CEP128: variants seen among roughly 807,000 people sequenced by gnomAD.
CEP128 encodes centrosomal protein 128kDa.
A neutral mutation model predicts 156.7 loss-of-function variants in CEP128; 132 were observed. The observed-to-expected ratio is 0.84, with a 90% CI of 0.73 to 0.97. The LOEUF (loss-of-function observed/expected upper bound fraction) is 0.97. Ranked by LOEUF, CEP128 falls within the 50% of genes least tolerant of loss-of-function variation. CEP128 has a pLI of 0.00. For missense variants in CEP128, 1,252 were observed against 1,281.9 expected (o/e 0.98, Z 0.36); for synonymous variants, 469 against 448.9 (o/e 1.04, Z -0.57).
chr14:80,934,535 G>A (rs1885673028), intron 2 of CEP128, among the ~76,000 whole-genome samples: 1 of 152,108 alleles, frequency 6.6e-6, no homozygotes, highest in Non-Finnish European at 1.5e-5. Context: ...CTTAACCTCA[G>A]GCCAATCTTA....
chr14:80,772,637 G>A lies in CEP128; in HGVS notation c.2376+5245C>T, dbSNP rs565173254. 7.9e-5 allele frequency among the ~76,000 whole-genome samples: 12 copies of A among 152,250 alleles called. No individual in the cohort carries two copies. The South Asian group carries it at 2.1e-3, about 26-fold the overall frequency. ...TGACACATGCCTACTAGGGCCTCAG[G>A]AGTCACAGACACCCACGCCTGGATG... On this transcript the variant is annotated intron_variant, in intron 16 of 24. Coordinates refer to ENST00000555265, the MANE Select transcript of CEP128 (RefSeq NM_152446.5).
At chr14:80,740,726 A>G (rs1898789693) in intron 19 of CEP128, among the ~76,000 whole-genome samples, 1 of 152,150 alleles carries the variant, frequency 6.6e-6, no homozygotes, top group Non-Finnish European at 1.5e-5. Context: ...TTTCCCTTTT[A>G]TAACTATTCA....
chr14:80,801,487 A>C (rs1390109717), intron 13 of CEP128, among the ~76,000 whole-genome samples: 1 of 151,922 alleles, frequency 6.6e-6, no homozygotes, highest in Non-Finnish European at 1.5e-5. Context: ...TGCTGCATTT[A>C]TTGAGAAGGA....
At chr14:80,499,605 A>G (rs1048192339) in intron 24 of CEP128, among the ~76,000 whole-genome samples, 12 of 152,188 alleles carry the variant, frequency 7.9e-5, no homozygotes, top group African/African-American at 2.9e-4. Context: ...GAAATTTACA[A>G]TCTGCATTTA....
At chr14:80,506,412 T>TA (rs1345464458) in intron 23 of CEP128, among the ~76,000 whole-genome samples, 2 of 146,610 alleles carry the variant, frequency 1.4e-5, no homozygotes, top group African/African-American at 5.3e-5. Context: ...TTTGATTTAT[T>TA]TTTTTTTTTT....
chr14:80,613,089 C>G (rs1893063905), intron 19 of CEP128, among the ~76,000 whole-genome samples: 1 of 148,448 alleles, frequency 6.7e-6, no homozygotes, highest in South Asian at 2.2e-4. Context: ...CTCCTGAGCT[C>G]AGGCAATCCG....
chr14:80,498,427 G>C (rs1887591032), intron 24 of CEP128, among the ~76,000 whole-genome samples: 1 of 152,042 alleles, frequency 6.6e-6, no homozygotes, highest in Admixed American at 6.6e-5. Flanking sequence ...GCCCTTAATG[G>C]TCGCCCAGTG....
rs1042834754 is a variant in CEP128, at chr14:80,779,982, C to CA, written c.2212-1937dup. 1.2e-4 allele frequency among the ~76,000 whole-genome samples: 18 copies of CA among 151,452 alleles called. 1 individual carries two copies. The highest frequency in any genetic ancestry group is 8.5e-4 in the Admixed American group (13 of 15,226). On this transcript the variant is annotated intron_variant, in intron 15 of 24. Coordinates refer to ENST00000555265, the MANE Select transcript of CEP128 (RefSeq NM_152446.5). ...ACTCCAATCCTGCATCTTCTGAATC[C>CA]AAAAAAAGGCTCTACAAAATGATTT... is the stretch of plus-strand genomic sequence containing the variant.
rs148593644 is a variant in CEP128 at position 80,818,777 on chromosome 14, TATG to T, written c.1209+12363_1209+12365del. Among the ~76,000 whole-genome samples, 827 of 152,366 alleles carry T rather than the reference TATG, an allele frequency of 5.4e-3. 5 individuals are homozygous for T. The highest frequency in any genetic ancestry group is 0.019 in the African/African-American group (774 of 41,602). ...AAACAAATATACCTGAAGAATGTTA[TATG>T]ATAATAAACATGTGAAACTACAAAA... On this transcript the variant is annotated intron_variant, in intron 13 of 24. Transcript: ENST00000555265.
At chr14:80,934,290 C>G (rs1267166653) in intron 2 of CEP128, among the ~76,000 whole-genome samples, 1 of 152,192 alleles carries the variant, frequency 6.6e-6, no homozygotes, top group Non-Finnish European at 1.5e-5. Flanking sequence ...GATTTCTTGT[C>G]TAAGAACTCA....
downstream of CEP128, among the ~76,000 whole-genome samples, chr14:80,486,512 C>T (rs1248040908): frequency 6.6e-6 from 1 of 151,684 alleles, no homozygotes; most frequent in Non-Finnish European, 1.5e-5. Context: ...TCAGGAAATA[C>T]AGAGAACGCC....
At chr14:80,515,998 T>C (rs973189185) in intron 23 of CEP128, among the ~76,000 whole-genome samples, 8 of 152,194 alleles carry the variant, frequency 5.3e-5, no homozygotes, top group Admixed American at 2.6e-4. Context: ...CCTGAGTAGC[T>C]GGGATTACAG....
chr14:80,714,325 T>C (rs553795999), intron 19 of CEP128, among the ~76,000 whole-genome samples: 10 of 151,680 alleles, frequency 6.6e-5, no homozygotes, highest in East Asian at 3.9e-4. Flanking sequence ...CACACACACA[T>C]ACACACACAC....
intron 9 of CEP128, among the ~76,000 whole-genome samples, chr14:80,849,990 A>G (rs1258852364): frequency 2.0e-5 from 3 of 152,096 alleles, no homozygotes; most frequent in Non-Finnish European, 4.4e-5. Flanking sequence ...GATTCCCGCG[A>G]AAAAAATGCT....
At chr14:80,846,615 G>A (rs1365103895) in intron 9 of CEP128, among the ~76,000 whole-genome samples, 1 of 152,220 alleles carries the variant, frequency 6.6e-6, no homozygotes, top group East Asian at 1.9e-4. Context: ...TAGAATTTTG[G>A]AGAAAGACAG....
intron 20 of CEP128, among the ~76,000 whole-genome samples, chr14:80,564,428 T>A (rs1020469374): frequency 6.6e-6 from 1 of 152,216 alleles, no homozygotes; most frequent in African/African-American, 2.4e-5. Context: ...ATTCCCTCAA[T>A]ATACAAATTA....
intron 19 of CEP128, among the ~76,000 whole-genome samples, chr14:80,683,705 A>G (rs753772760): frequency 2.5e-4 from 38 of 152,160 alleles, no homozygotes; most frequent in Non-Finnish European, 8.8e-5. Context: ...AACACTGACC[A>G]TAAGCTCAGC....
At chr14:80,668,046 AACTT>A (rs1419033218) in intron 19 of CEP128, among the ~76,000 whole-genome samples, 1 of 152,186 alleles carries the variant, frequency 6.6e-6, no homozygotes, top group African/African-American at 2.4e-5. Context: ...AGTATTTAAA[AACTT>A]ACTATGTGCC....
intron 13 of CEP128, among the ~76,000 whole-genome samples, chr14:80,810,323 C>CAA (rs71103883): frequency 0.18 from 2,693 of 15,158 alleles, 567 homozygotes; most frequent in East Asian, 0.5. Context: ...ACTCCATCTC[C>CAA]AAAAAAAAAA....
Sources: allele counts gnomAD v4.1 joint callset (sites outside exome capture counted in the v4.1 genomes callset), GRCh38; gene constraint gnomAD v4.1.1; transcripts MANE v1.5; gene names NCBI Gene and HGNC (gene_info 2026-07-23, HGNC 2026-07-21).